Variants in PHC2 observed in about 807,000 individuals in gnomAD.
The protein encoded by PHC2 is polyhomeotic homolog 2.
In PHC2, 29 loss-of-function variants were observed where a neutral mutation model predicts 87.4. That is an observed-to-expected ratio of 0.33 (90% CI 0.25 to 0.45). The LOEUF (loss-of-function observed/expected upper bound fraction) is 0.45, where lower values mean the gene tolerates loss of function less well. PHC2 is among the 20% of genes least tolerant of loss of function. PHC2 has a pLI of 1.00. For synonymous variants in PHC2, 438 were observed against 461.7 expected (o/e 0.95, Z 0.66); for missense variants, 857 against 1,136.7 (o/e 0.75, Z 3.54).
chr1:33,352,419 G>A (rs1013012844), intron 9 of PHC2, among the ~76,000 whole-genome samples: 36 of 152,288 alleles, frequency 2.4e-4, no homozygotes, highest in Non-Finnish European at 3.1e-4. Flanking sequence ...TTAAAATGAG[G>A]ATGATAAAAG....
At chr1:33,423,497 T>A (rs950710583) in intron 1 of PHC2, among the ~76,000 whole-genome samples, 1 of 152,212 alleles carries the variant, frequency 6.6e-6, no homozygotes, top group Non-Finnish European at 1.5e-5. Context: ...AAGATGACAC[T>A]GTCACTAGAT....
At chr1:33,359,704 A>C (rs183318596) in intron 7 of PHC2, among the ~76,000 whole-genome samples, 1 of 152,344 alleles carries the variant, frequency 6.6e-6, no homozygotes, top group Admixed American at 6.5e-5. Flanking sequence ...AACACGGAAA[A>C]GGGGATTCAG....
In PHC2 at chr1:33,428,005, A is replaced by AT. The variant is rs767739943; in HGVS notation, c.-55+2970dup. Among the ~76,000 whole-genome samples, 6 of 152,024 alleles carry AT rather than the reference A, an allele frequency of 3.9e-5. No individual in the cohort carries two copies. In the East Asian group the frequency reaches 7.7e-4, roughly 20 times the overall value. On this transcript the variant is annotated intron_variant, in intron 1 of 14. Transcript: ENST00000683057. ...TAATCATATGGCTTCAATTATCACC[A>AT]TTTTTTTTCTTTTCTCAACTCCTAT...
At chr1:33,358,594 T>A (rs570390610) in intron 7 of PHC2, among the ~76,000 whole-genome samples, 52 of 152,200 alleles carry the variant, frequency 3.4e-4, no homozygotes, top group Admixed American at 1.4e-3. Context: ...TAATCCAGCT[T>A]AGAGAGAGCA....
chr1:33,405,557 T>C (rs750783714), intron 1 of PHC2, among the ~76,000 whole-genome samples: 3 of 152,190 alleles, frequency 2.0e-5, no homozygotes, highest in Non-Finnish European at 2.9e-5. Flanking sequence ...AAGTGTTTTC[T>C]ATTTCATTAA....
chr1:33,344,137 A>T (rs10798940), intron 9 of PHC2, among the ~76,000 whole-genome samples: 61,072 of 152,140 alleles, frequency 0.4, 13,886 homozygotes, highest in African/African-American at 0.64. Flanking sequence ...ATGCCAGATG[A>T]TTTAGCTTAT....
chr1:33,338,578 T>C (rs1197921255), intron 9 of PHC2, among the ~76,000 whole-genome samples: 40 of 152,244 alleles, frequency 2.6e-4, no homozygotes, highest in Admixed American at 2.6e-3. Context: ...CTGAGATTAA[T>C]TTAATCTGCT....
At chr1:33,386,372 C>T (rs775419464) in intron 1 of PHC2, among the ~76,000 whole-genome samples, 133 of 151,556 alleles carry the variant, frequency 8.8e-4, no homozygotes, top group Non-Finnish European at 1.1e-3. Context: ...AAAAATTAGC[C>T]GGCCGTGGTA....
At chr1:33,340,478 G>A (rs1278859122) in intron 9 of PHC2, among the ~76,000 whole-genome samples, 1 of 152,218 alleles carries the variant, frequency 6.6e-6, no homozygotes, top group African/African-American at 2.4e-5. Context: ...CCAGGAGACA[G>A]CAGCAAACAC....
intron 7 of PHC2, among the ~76,000 whole-genome samples, chr1:33,356,449 G>C (rs1029005640): frequency 1.1e-4 from 16 of 151,212 alleles, no homozygotes; most frequent in South Asian, 4.2e-4. Context: ...GCCTTCCGCA[G>C]TGTTTGTGTC....
intron 14 of PHC2, among the ~76,000 whole-genome samples, chr1:33,327,704 T>C (rs1472111018): frequency 6.6e-6 from 1 of 152,208 alleles, no homozygotes; most frequent in Non-Finnish European, 1.5e-5. Context: ...CTGCCATGCA[T>C]ATCATGAGAA....
Position 33,323,753 on chromosome 1 carries a change from A to C in PHC2, c.*1112T>G, listed in dbSNP as rs1570432724. On this transcript the variant is annotated 3_prime_UTR_variant, in exon 15 of 15. Coordinates refer to ENST00000683057, the MANE Select transcript of PHC2 (RefSeq NM_001385109.1). ...AAAGGTGCCTACCTCCTTCCTGCAA[A>C]GGACACGGCAGGTCAGAGGCAGGCC... is the stretch of plus-strand genomic sequence containing the variant. 6.5e-6 allele frequency: 1 copy of C among 152,682 alleles called. No homozygotes were observed. The highest frequency in any genetic ancestry group is 1.5e-5 in the Non-Finnish European group (1 of 68,050). The allele number at this position is 152,682 out of a possible 1,614,324, so 9.5% of individuals were successfully genotyped here.
chr1:33,349,741 C>A lies in PHC2; in HGVS notation c.1558+4660G>T, dbSNP rs1646924777. The A allele has an allele frequency of 5.0e-6, 5 of 994,048 alleles. No homozygotes were observed. The highest frequency in any genetic ancestry group is 6.0e-6 in the Non-Finnish European group (5 of 834,640). The allele number at this position is 994,048 out of a possible 1,614,324, so 61.6% of individuals were successfully genotyped here. A position where few individuals can be genotyped will look rare whatever the true frequency, so the allele number is the denominator to read the frequency against. On this transcript the variant is annotated intron_variant, in intron 9 of 14. Coordinates refer to ENST00000683057, the MANE Select transcript of PHC2 (RefSeq NM_001385109.1). The surrounding 1 kb of genome is among the most constrained non-coding windows in gnomAD (Gnocchi z 4.2). ...GCCGGGGCCCGGGGCTGCCGCGGCG[C>A]ATCCGACCGCACCGGCCTGGCCGGC...
chr1:33,403,609 C>G (rs1298800305), intron 1 of PHC2, among the ~76,000 whole-genome samples: 1 of 152,160 alleles, frequency 6.6e-6, no homozygotes, highest in Non-Finnish European at 1.5e-5. Flanking sequence ...CATAATTATA[C>G]ATTTCATGGT....
At chr1:33,423,171 C>A (rs189694524) in intron 1 of PHC2, among the ~76,000 whole-genome samples, 2 of 152,072 alleles carry the variant, frequency 1.3e-5, no homozygotes, top group Admixed American at 1.3e-4. Flanking sequence ...TGCAGGCCAG[C>A]GGAAGATACT....
intron 5 of PHC2, 101 bp downstream of exon 5, chr1:33,370,320 C>G: frequency 8.4e-7 from 1 of 1,187,858 alleles, no homozygotes; most frequent in Non-Finnish European, 1.2e-6. Flanking sequence ...GCCCCTGCCC[C>G]TAGTGCTTCC....
At position 33,331,079 on chromosome 1, in the gene PHC2, G is replaced by A. The variant is rs1420369051; in HGVS notation, c.2006+269C>T. Among the ~76,000 whole-genome samples, 1 of 152,310 alleles carries A rather than the reference G, an allele frequency of 6.6e-6. No homozygotes were observed. The highest frequency in any genetic ancestry group is 1.9e-4 in the East Asian group (1 of 5,174). On this transcript the variant is annotated intron_variant, in intron 12 of 14. Coordinates refer to ENST00000683057, the MANE Select transcript of PHC2 (RefSeq NM_001385109.1). The surrounding 1 kb of genome is among the most constrained non-coding windows in gnomAD (Gnocchi z 5.2). ...AGGGGCTGTCAATGCTAGGAAAGGC[G>A]AATGGGTGCCAGTGGAGCCCAGGAG...
intron 1 of PHC2, among the ~76,000 whole-genome samples, chr1:33,419,260 A>G (rs1650330676): frequency 6.6e-6 from 1 of 152,232 alleles, no homozygotes; most frequent in African/African-American, 2.4e-5. Flanking sequence ...TGAGCTAAGC[A>G]GTATGATAAG....
rs1291623455 is a variant in PHC2, at chr1:33,324,757, G to A, written c.*108C>T. ...CTCACCAGCTATGCCCCTAGGGAGA[G>A]CCCCTGCCCTCCAACCGGCCCCATT... On this transcript the variant is annotated 3_prime_UTR_variant, in exon 15 of 15. Coordinates refer to ENST00000683057, the MANE Select transcript of PHC2 (RefSeq NM_001385109.1). 2.4e-6 allele frequency: 3 copies of A among 1,254,102 alleles called. No homozygotes were observed. The highest frequency in any genetic ancestry group is 1.5e-5 in the African/African-American group (1 of 67,140). The allele number at this position is 1,254,102 out of a possible 1,614,324, so 77.7% of individuals were successfully genotyped here.
Sources: allele counts gnomAD v4.1 joint callset (sites outside exome capture counted in the v4.1 genomes callset), GRCh38; gene constraint gnomAD v4.1.1; non-coding constraint Gnocchi (gnomAD v3.1); transcripts MANE v1.5; gene names NCBI Gene and HGNC (gene_info 2026-07-23, HGNC 2026-07-21).